Variants in SLC43A2 observed in about 807,000 individuals in gnomAD.
SLC43A2 encodes the protein large neutral amino acids transporter small subunit 4.
In SLC43A2, 38 loss-of-function variants were observed where a neutral mutation model predicts 63.2. That is an observed-to-expected ratio of 0.60 (90% CI 0.46 to 0.79). SLC43A2 has a LOEUF of 0.79. SLC43A2 is among the 30% of genes least tolerant of loss of function. The pLI is 0.00. For synonymous variants in SLC43A2, 322 were observed against 331.0 expected, an observed-to-expected ratio of 0.97 and a Z score of 0.30; for missense variants, 644 against 756.2, an observed-to-expected ratio of 0.85 and a Z score of 1.74.
At chr17:1,617,857 G>A (rs1397541116) in intron 2 of SLC43A2, among the ~76,000 whole-genome samples, 3 of 152,230 alleles carry the variant, frequency 2.0e-5, no homozygotes, top group African/African-American at 7.2e-5. Flanking sequence ...GAAGAGAAAA[G>A]TGCTGTGGCA....
Position 1,600,100 on chromosome 17 carries a change from C to CTT in SLC43A2, c.502-6823_502-6822dup, listed in dbSNP as rs200335951. 3.3e-4 allele frequency among the ~76,000 whole-genome samples: 29 copies of CTT among 88,966 alleles called. 1 individual carries two copies. The highest frequency in any genetic ancestry group is 1.2e-3 in the African/African-American group (27 of 23,286). The allele number at this position is 88,966 out of a possible 152,430, so 58.4% of individuals were successfully genotyped here. A position where few individuals can be genotyped will look rare whatever the true frequency, so the allele number is the denominator to read the frequency against. On this transcript the variant is annotated intron_variant, in intron 5 of 13. Transcript: ENST00000301335. ...TTTTTCTATGGGGATGTTAATCTTTCTTTTTTTTTTTTACAGTAAGCTATA... is the reference window on the plus strand; with the variant it reads ...TTTTTCTATGGGGATGTTAATCTTTCTTTTTTTTTTTTTTACAGTAAGCTATA...
At position 1,616,042 on chromosome 17, in the gene SLC43A2, T is replaced by C. The variant is rs1195957192; in HGVS notation, c.368+520A>G. Among the ~76,000 whole-genome samples, 3 of 133,966 alleles carry C rather than the reference T, an allele frequency of 2.2e-5. No individual in the cohort carries two copies. The East Asian group carries it at 6.2e-4, about 28-fold the overall frequency. The allele number at this position is 133,966 out of a possible 152,430, so 87.9% of individuals were successfully genotyped here. ...TGGGCGACACAGCAAGACTCCGTCT[T>C]GAAAAAAAAAAAAAAAAAAAGAGCA... is the stretch of plus-strand genomic sequence containing the variant. On this transcript the variant is annotated intron_variant, in intron 3 of 13. Transcript: ENST00000301335.
Position 1,600,100 on chromosome 17 carries a change from C to CTTTTT in SLC43A2, c.502-6826_502-6822dup, listed in dbSNP as rs200335951. On this transcript the variant is annotated intron_variant, in intron 5 of 13. Transcript: ENST00000301335. ...TTTTTCTATGGGGATGTTAATCTTT[C>CTTTTT]TTTTTTTTTTTTACAGTAAGCTATA... 4.5e-3 allele frequency among the ~76,000 whole-genome samples: 403 copies of CTTTTT among 88,926 alleles called. 4 individuals carry two copies. The highest frequency in any genetic ancestry group is 0.017 in the African/African-American group (386 of 23,250). 58.3% of individuals were successfully genotyped at this position (88,926 alleles called of 152,430 possible). A position where few individuals can be genotyped will look rare whatever the true frequency, so the allele number is the denominator to read the frequency against.
In SLC43A2 at chr17:1,585,971, A is replaced by T. The variant is rs767128383; in HGVS notation, c.1159T>A (p.Trp387Arg). 4.3e-6 allele frequency: 7 copies of T among 1,613,428 alleles called. No homozygotes were observed. Among genetic ancestry groups the T allele is most frequent in the Non-Finnish European group, 5.1e-6 (6 of 1,179,938 alleles). ...TAPVIGYIMDWRLKECEDASE... is the reference protein window; with the variant it reads ...TAPVIGYIMDRRLKECEDASE... ...GCGTCTTCACACTCCTTCAGCCTCC[A>T]GTCCATGATGTAGCCAATGACGGGG... Residue 387 changes from tryptophan to arginine, a missense_variant, in exon 10 of 14, where the codon TGG becomes AGG. Around this residue, in one of 3 missense-constraint regions of SLC43A2, gnomAD observed 528 missense variants for 623.6 expected, o/e 0.85. Transcript: ENST00000301335.
chr17:1,613,247 G>A lies in SLC43A2; in HGVS notation c.449C>T (p.Ala150Val). 2 of 1,614,150 alleles carry A rather than the reference G, an allele frequency of 1.2e-6. No individual in the cohort carries two copies. The highest frequency in any genetic ancestry group is 8.5e-7 in the Non-Finnish European group (1 of 1,180,040). Residue 150 changes from alanine to valine, a missense_variant, in exon 5 of 14, where the codon GCC becomes GTC. Around this residue, in one of 3 missense-constraint regions of SLC43A2, gnomAD observed 528 missense variants for 623.6 expected, o/e 0.85. Coordinates refer to ENST00000301335, the MANE Select transcript of SLC43A2 (RefSeq NM_152346.3). ...PNALSVLIFI[A>V]LALNGFGGMC... ...CCCACCAAAGCCATTCAGAGCCAGG[G>A]CGATGAAGATGAGCACGGAGAGAGC...
chr17:1,586,405 A>C (rs2076101953), intron 9 of SLC43A2, among the ~76,000 whole-genome samples: 2 of 152,122 alleles, frequency 1.3e-5, no homozygotes, highest in Admixed American at 6.6e-5. Flanking sequence ...CTCTAGAAAT[A>C]GCCCAGAACG....
rs574823791 is a variant in SLC43A2, at chr17:1,606,205, G to A, written c.501+6990C>T. On this transcript the variant is annotated intron_variant, in intron 5 of 13. Transcript: ENST00000301335. This position sits in a 1 kb window ranked among gnomAD's most constrained non-coding sequence, Gnocchi z 4.7. ...CCAGAGCTGGCCGGGGGCCACCGTG[G>A]GACCCTCTCCTGGCTGCAGACGCGG... Among the ~76,000 whole-genome samples, 3 of 151,988 alleles carry A rather than the reference G, an allele frequency of 2.0e-5. No homozygotes were observed. The highest frequency in any genetic ancestry group is 4.4e-5 in the Non-Finnish European group (3 of 67,996).
At chr17:1,586,831 C>G in intron 9 of SLC43A2, 1 of 1,076,404 alleles carries the variant, frequency 9.3e-7, no homozygotes, top group Non-Finnish European at 1.3e-6. Flanking sequence ...TTTACCCCCA[C>G]GGCTCTAGCC....
intron 10 of SLC43A2, among the ~76,000 whole-genome samples, chr17:1,584,337 G>A (rs1470756062): frequency 1.3e-5 from 2 of 152,124 alleles, no homozygotes; most frequent in East Asian, 3.8e-4. Flanking sequence ...TCCTAACTGT[G>A]CGGCCCTAGG....
chr17:1,591,778 G>A, intron 6 of SLC43A2, 79 bp from the exon 7 acceptor site: 1 of 1,160,136 alleles, frequency 8.6e-7, no homozygotes, highest in Non-Finnish European at 1.2e-6. Flanking sequence ...CAGCAGGCAG[G>A]GGCGTCTGGC....
chr17:1,615,181 C>A lies in SLC43A2; in HGVS notation c.369-147G>T, dbSNP rs1208956651. 2.0e-5 allele frequency: 17 copies of A among 866,002 alleles called. No individual in the cohort carries two copies. In the East Asian group the frequency reaches 3.9e-4, roughly 20 times the overall value. 53.6% of individuals were successfully genotyped at this position (866,002 alleles called of 1,614,324 possible). ...GGAGTGCAGTGGCGCGATCTCGGCT[C>A]ACTGCAACCTCCGCCTCCCAGGTTC... On this transcript the variant is annotated intron_variant, in intron 3 of 13. Coordinates refer to ENST00000301335, the MANE Select transcript of SLC43A2 (RefSeq NM_152346.3).
In SLC43A2 at chr17:1,606,303, G is replaced by A. The variant is rs1338801194; in HGVS notation, c.501+6892C>T. ...TCTGCCATCCTGCCCTCCTCTCCAG[G>A]ATCTGAAGAGGGATGTTTATCCTCT... On this transcript the variant is annotated intron_variant, in intron 5 of 13. Coordinates refer to ENST00000301335, the MANE Select transcript of SLC43A2 (RefSeq NM_152346.3). This position sits in a 1 kb window ranked among gnomAD's most constrained non-coding sequence, Gnocchi z 4.7. Among the ~76,000 whole-genome samples the A allele has an allele frequency of 6.6e-6, 1 of 152,094 alleles. No homozygotes were observed. Among genetic ancestry groups the A allele is most frequent in the Non-Finnish European group, 1.5e-5 (1 of 68,022 alleles).
chr17:1,597,015 G>C (rs1905349907), intron 5 of SLC43A2, among the ~76,000 whole-genome samples: 1 of 151,824 alleles, frequency 6.6e-6, no homozygotes, highest in Non-Finnish European at 1.5e-5. Context: ...AGGAGTTCCA[G>C]ACCAGCCTAG....
intron 2 of SLC43A2, 138 bp from the exon 3 acceptor site, chr17:1,616,907 C>A (rs565807217): frequency 9.7e-6 from 9 of 925,210 alleles, no homozygotes; most frequent in South Asian, 1.6e-5. Context: ...GCTCAGGCTA[C>A]CCCGCAGCAG....
intron 2 of SLC43A2, among the ~76,000 whole-genome samples, chr17:1,626,009 AAAAAAC>A (rs1379878995): frequency 2.1e-4 from 32 of 150,866 alleles, no homozygotes; most frequent in Non-Finnish European, 3.7e-4. Flanking sequence ...TTCTATTAAA[AAAAAAC>A]AAAAAACAAA....
Position 1,575,530 on chromosome 17 carries a change from G to T in SLC43A2, c.*74C>A. 6.3e-7 allele frequency: 1 copy of T among 1,587,548 alleles called. No individual in the cohort carries two copies. Among genetic ancestry groups the T allele is most frequent in the Non-Finnish European group, 8.6e-7 (1 of 1,156,576 alleles). On this transcript the variant is annotated 3_prime_UTR_variant, in exon 14 of 14. Coordinates refer to ENST00000301335, the MANE Select transcript of SLC43A2 (RefSeq NM_152346.3). ...GGCGAAGGTCCTGGGGGTGCGTGGG[G>T]TACTCTGGAGGGGCAGGACAGGGGT...
In SLC43A2 at chr17:1,581,964, G is replaced by A. The variant is rs143258396; in HGVS notation, c.1350+1240C>T. Among the ~76,000 whole-genome samples the A allele has an allele frequency of 1.3e-3, 197 of 151,630 alleles. 1 individual carries two copies. Among genetic ancestry groups the A allele is most frequent in the East Asian group, 2.7e-3 (14 of 5,148 alleles). ...TGGGATTACAGGCATGTGCCACCAC[G>A]CCCAGCTAATTTTTGTAATTTTAGT... On this transcript the variant is annotated intron_variant, in intron 11 of 13. Transcript: ENST00000301335.
At chr17:1,591,734 A>AGGGGGG (rs780559673) in intron 6 of SLC43A2, 35 bp from the exon 7 acceptor site, 10 of 295,338 alleles carry the variant, frequency 3.4e-5, no homozygotes, top group Non-Finnish European at 6.8e-5. Flanking sequence ...TGGGGGGGGG[A>AGGGGGG]GGGGGCAGAG....
At chr17:1,595,206 G>A (rs1181148119) in intron 5 of SLC43A2, among the ~76,000 whole-genome samples, 5 of 151,956 alleles carry the variant, frequency 3.3e-5, no homozygotes, top group Admixed American at 6.5e-5. Context: ...GCTTGAACCC[G>A]GGAGGCGGAG....
Sources: allele counts gnomAD v4.1 joint callset (sites outside exome capture counted in the v4.1 genomes callset), GRCh38; gene constraint gnomAD v4.1.1; regional missense constraint gnomAD v4.1.1; non-coding constraint Gnocchi (gnomAD v3.1); transcripts MANE v1.5; gene names NCBI Gene and HGNC (gene_info 2026-07-23, HGNC 2026-07-21).